The following PLPP1 variants were observed in gnomAD, a reference collection of about 807,000 sequenced individuals.
PLPP1 encodes lipid phosphate phosphohydrolase 1a.
Under a neutral mutation model 31.2 loss-of-function variants are expected in PLPP1, and 24 were observed. That is an observed-to-expected ratio of 0.77 (90% CI 0.56 to 1.08). The LOEUF (loss-of-function observed/expected upper bound fraction) is 1.08, where lower values mean the gene tolerates loss of function less well. PLPP1 is among the 50% of genes least tolerant of loss of function. PLPP1 has a pLI of 0.00. For missense variants in PLPP1, 319 were observed against 342.7 expected, an observed-to-expected ratio of 0.93 and a Z score of 0.55; for synonymous variants, 146 against 126.3, an observed-to-expected ratio of 1.16 and a Z score of -1.05.
chr5:55,487,472 A>C (rs568439919), intron 1 of PLPP1, among the ~76,000 whole-genome samples: 31 of 152,076 alleles, frequency 2.0e-4, no homozygotes, highest in Non-Finnish European at 8.8e-5. Context: ...TAATGCAGAA[A>C]TCTATAGTTT....
At chr5:55,512,579 A>T (rs1753457980) in intron 1 of PLPP1, among the ~76,000 whole-genome samples, 1 of 151,714 alleles carries the variant, frequency 6.6e-6, no homozygotes. Context: ...AAAGAAAGGT[A>T]ACATAAAACT....
chr5:55,439,581 G>C (rs1487195891), intron 4 of PLPP1, among the ~76,000 whole-genome samples: 3 of 152,098 alleles, frequency 2.0e-5, no homozygotes, highest in African/African-American at 7.2e-5. Context: ...ACCACACTAT[G>C]GTTGACATCA....
At chr5:55,497,264 G>A (rs1047237740) in intron 1 of PLPP1, among the ~76,000 whole-genome samples, 1 of 151,950 alleles carries the variant, frequency 6.6e-6, no homozygotes, top group African/African-American at 2.4e-5. Flanking sequence ...TTTTTTTTAA[G>A]AGACTGGGTC....
chr5:55,473,230 G>C (rs1305721325), intron 2 of PLPP1, among the ~76,000 whole-genome samples: 1 of 152,182 alleles, frequency 6.6e-6, no homozygotes, highest in South Asian at 2.1e-4. Flanking sequence ...GATTTGTTTA[G>C]ATTAAAAGAA....
At chr5:55,433,144 C>CAAAAAAAA (rs57495015) in intron 4 of PLPP1, among the ~76,000 whole-genome samples, 1 of 125,324 alleles carries the variant, frequency 8.0e-6, no homozygotes. Context: ...CCCATCTCTA[C>CAAAAAAAA]AAAAAAAAAA....
At chr5:55,459,349 T>G (rs1752101357) in intron 3 of PLPP1, among the ~76,000 whole-genome samples, 1 of 151,466 alleles carries the variant, frequency 6.6e-6, no homozygotes, top group African/African-American at 2.4e-5. Context: ...TAGTTAGAGA[T>G]TTCAAGCTCC....
intron 1 of PLPP1, among the ~76,000 whole-genome samples, chr5:55,533,573 A>G (rs1456042678): frequency 1.3e-5 from 2 of 152,158 alleles, no homozygotes; most frequent in African/African-American, 4.8e-5. Flanking sequence ...ACCATTACGC[A>G]GACTTCCATC....
intron 1 of PLPP1, chr5:55,490,968 T>C (rs71622181): frequency 0.011 from 16,922 of 1,609,018 alleles, 154 homozygotes; most frequent in East Asian, 0.055. Context: ...ACAGAGGAAA[T>C]GGGCAAGCCA....
At chr5:55,523,978 T>C (rs895468532) in intron 1 of PLPP1, among the ~76,000 whole-genome samples, 2 of 152,238 alleles carry the variant, frequency 1.3e-5, no homozygotes, top group African/African-American at 4.8e-5. Flanking sequence ...TACACTGGTA[T>C]GGAGAGCTGA....
chr5:55,529,783 T>C (rs963203693), intron 1 of PLPP1, among the ~76,000 whole-genome samples: 2 of 151,958 alleles, frequency 1.3e-5, no homozygotes, highest in Non-Finnish European at 2.9e-5. Context: ...TCGTTCAAAA[T>C]TTGCTACTGT....
rs1579990149 is a variant in PLPP1, at chr5:55,530,060, A to C, written c.58+4512T>G. 2.4e-5 allele frequency: 16 copies of C among 680,714 alleles called. No individual in the cohort carries two copies. In the East Asian group the frequency reaches 4.1e-4, roughly 17 times the overall value. 42.2% of individuals were successfully genotyped at this position (680,714 alleles called of 1,614,324 possible). ...CTAAAATGACTGAATTACTTTTATTAATATACACATCAAGTTACTGAAACG... is the reference window on the plus strand; with the variant it reads ...CTAAAATGACTGAATTACTTTTATTCATATACACATCAAGTTACTGAAACG... On this transcript the variant is annotated intron_variant, in intron 1 of 5. Transcript: ENST00000307259.
chr5:55,462,800 C>T (rs1408881619), intron 3 of PLPP1, among the ~76,000 whole-genome samples: 2 of 151,798 alleles, frequency 1.3e-5, no homozygotes, highest in African/African-American at 4.8e-5. Flanking sequence ...GGTGAAACCC[C>T]ATCTCTACTA....
intron 1 of PLPP1, among the ~76,000 whole-genome samples, chr5:55,491,732 C>T (rs771258641): frequency 6.6e-6 from 1 of 151,836 alleles, no homozygotes; most frequent in Non-Finnish European, 1.5e-5. Context: ...GTGGTATACA[C>T]CTGTAGTCCC....
In PLPP1 at chr5:55,479,773, C is replaced by G. The variant is rs528667604; in HGVS notation, c.59-4323G>C. Reference sequence around the variant, plus strand: ...ACTTAATCTAGTTAGAATTTCTACTCCTTGAAACCAAGAGAGACAAAGCAA... The same window carrying G: ...ACTTAATCTAGTTAGAATTTCTACTGCTTGAAACCAAGAGAGACAAAGCAA... On this transcript the variant is annotated intron_variant, in intron 1 of 5. Coordinates refer to ENST00000307259, the MANE Select transcript of PLPP1 (RefSeq NM_003711.4). Among the ~76,000 whole-genome samples the G allele has an allele frequency of 2.0e-5, 3 of 152,274 alleles. No individual in the cohort carries two copies. The South Asian group carries it at 6.2e-4, about 32-fold the overall frequency.
intron 3 of PLPP1, among the ~76,000 whole-genome samples, chr5:55,455,473 G>C (rs1751986382): frequency 6.6e-6 from 1 of 152,024 alleles, no homozygotes; most frequent in Non-Finnish European, 1.5e-5. Context: ...TACACCAACA[G>C]CACCTATAGG....
chr5:55,489,951 G>A (rs1266496576), intron 1 of PLPP1, among the ~76,000 whole-genome samples: 1 of 152,038 alleles, frequency 6.6e-6, no homozygotes, highest in African/African-American at 2.4e-5. Flanking sequence ...AAATGACAAT[G>A]GCAAGATTTA....
chr5:55,519,047 G>A (rs1383644494), intron 1 of PLPP1, among the ~76,000 whole-genome samples: 1 of 152,060 alleles, frequency 6.6e-6, no homozygotes, highest in Admixed American at 6.5e-5. Context: ...CAAATCCTGA[G>A]GAAAGGGGGG....
intron 1 of PLPP1, among the ~76,000 whole-genome samples, chr5:55,498,910 C>T (rs551528071): frequency 6.0e-4 from 92 of 152,240 alleles, no homozygotes; most frequent in Admixed American, 1.0e-3. Context: ...AATTTGTGTA[C>T]GCTCCAGCAT....
intron 1 of PLPP1, among the ~76,000 whole-genome samples, chr5:55,511,830 A>ATTT (rs879881094): frequency 7.0e-6 from 1 of 142,214 alleles, no homozygotes; most frequent in Non-Finnish European, 1.5e-5. Context: ...CGCCCAGCTA[A>ATTT]TTTTTTTTTT....
Sources: gnomAD v4.1 joint callset for allele counts (sites outside exome capture counted in the v4.1 genomes callset) on GRCh38, gnomAD v4.1.1 for gene constraint, MANE v1.5 for transcripts, NCBI Gene and HGNC (gene_info 2026-07-23, HGNC 2026-07-21) for gene names.